The following MECOM variants were observed in gnomAD, a reference collection of about 807,000 sequenced individuals.
MECOM encodes the protein MDS1 and EVI1 complex locus.
MECOM carries 13 observed loss-of-function variants against 116.3 expected under a neutral mutation model. The ratio of observed to expected loss-of-function variants is 0.11; its 90% CI spans 0.07 to 0.18. The LOEUF (loss-of-function observed/expected upper bound fraction) is 0.18. Among genes scored for constraint, MECOM ranks in the 10% least tolerant of loss-of-function variants. MECOM has a pLI of 1.00. For missense variants in MECOM, 1,299 were observed against 1,509.0 expected (o/e 0.86, Z 2.31); for synonymous variants, 528 against 535.2 (o/e 0.99, Z 0.19).
chr3:169,136,534 C>T (rs993856046), intron 3 of MECOM, among the ~76,000 whole-genome samples: 1 of 151,874 alleles, frequency 6.6e-6, no homozygotes, highest in African/African-American at 2.4e-5. Flanking sequence ...GGCATAGACA[C>T]TCATAAGCAC....
intron 2 of MECOM, among the ~76,000 whole-genome samples, chr3:169,282,092 T>G (rs1712184083): frequency 6.6e-6 from 1 of 152,214 alleles, no homozygotes; most frequent in Non-Finnish European, 1.5e-5. Context: ...CATATTTTTT[T>G]CTTGGTCAAA....
At chr3:169,639,917 C>T (rs1024183040) in intron 1 of MECOM, among the ~76,000 whole-genome samples, 2 of 152,190 alleles carry the variant, frequency 1.3e-5, no homozygotes, top group Admixed American at 1.3e-4. Context: ...CTTGCTAATG[C>T]TATGCTATGT....
intron 1 of MECOM, among the ~76,000 whole-genome samples, chr3:169,417,369 A>G (rs2108488650): frequency 6.6e-6 from 1 of 152,160 alleles, no homozygotes; most frequent in Admixed American, 6.6e-5. Context: ...GCTCACCATC[A>G]CTGGCCATCA....
At chr3:169,323,444 C>T (rs952002411) in intron 2 of MECOM, among the ~76,000 whole-genome samples, 3 of 152,076 alleles carry the variant, frequency 2.0e-5, no homozygotes, top group East Asian at 1.9e-4. Context: ...TCCATGGAAG[C>T]ACGTAGGCAT....
At chr3:169,510,762 A>G (rs1272228734) in intron 1 of MECOM, among the ~76,000 whole-genome samples, 2 of 152,188 alleles carry the variant, frequency 1.3e-5, no homozygotes, top group African/African-American at 4.8e-5. Context: ...TGGTCACTGG[A>G]ATATCTAATC....
chr3:169,086,439 G>A, intron 16 of MECOM: 2 of 624,142 alleles, frequency 3.2e-6, no homozygotes, highest in Non-Finnish European at 2.8e-6. Context: ...TGATATTTGG[G>A]AAGATAAAAA....
At position 169,507,978 on chromosome 3, in the gene MECOM, A is replaced by G. The variant is rs570423391; in HGVS notation, c.38-126454T>C. 3.3e-5 allele frequency among the ~76,000 whole-genome samples: 5 copies of G among 152,194 alleles called. No homozygotes were observed. The East Asian group carries it at 9.7e-4, about 29-fold the overall frequency. The stretch of plus-strand genomic sequence containing the variant: ...CCCGGCCCCAACTTGCCATTTCTTA[A>G]TACGTAACCATGAGATACTTGTTTA... On this transcript the variant is annotated intron_variant, in intron 1 of 16. Transcript: ENST00000651503.
At chr3:169,193,724 T>C (rs994656472) in intron 2 of MECOM, among the ~76,000 whole-genome samples, 1 of 152,120 alleles carries the variant, frequency 6.6e-6, no homozygotes, top group Non-Finnish European at 1.5e-5. Context: ...TTTGAATTTT[T>C]GGAATGTTAA....
intron 1 of MECOM, among the ~76,000 whole-genome samples, chr3:169,546,577 A>C (rs903982722): frequency 6.6e-5 from 10 of 152,226 alleles, no homozygotes; most frequent in African/African-American, 2.4e-4. Flanking sequence ...TACGGAAAGA[A>C]TAATGGCATG....
intron 1 of MECOM, among the ~76,000 whole-genome samples, chr3:169,576,838 C>CACAGAGAGAGAGAGAG (rs368016499): frequency 1.6e-5 from 2 of 125,012 alleles, no homozygotes; most frequent in Non-Finnish European, 3.4e-5. Context: ...CACACACACA[C>CACAGAGAGAGAGAGAG]AGAGAGAGAG....
rs557500993 is a variant in MECOM at position 169,638,582 on chromosome 3, T to G, written c.37+24754A>C. Among the ~76,000 whole-genome samples the G allele has an allele frequency of 1.6e-4, 24 of 152,368 alleles. No homozygotes were observed. In the South Asian group the frequency reaches 1.7e-3, roughly 11 times the overall value. Reference sequence around the variant, plus strand: ...TCTGAAATTATTTTCAAGTAATACATGGACTTTTGATCTTATTGGTCAGTC... The same window carrying G: ...TCTGAAATTATTTTCAAGTAATACAGGGACTTTTGATCTTATTGGTCAGTC... On this transcript the variant is annotated intron_variant, in intron 1 of 16. Coordinates refer to ENST00000651503, the MANE Select transcript of MECOM (RefSeq NM_004991.4).
Position 169,196,438 on chromosome 3 carries a change from C to T in MECOM, c.376-52606G>A, listed in dbSNP as rs551795488. Reference sequence around the variant, plus strand: ...CATACACGTCTCACATTGTAAAATACTTCACAATTTTCATAAAGCTTTAAC... The same window carrying T: ...CATACACGTCTCACATTGTAAAATATTTCACAATTTTCATAAAGCTTTAAC... On this transcript the variant is annotated intron_variant, in intron 2 of 16. Transcript: ENST00000651503. Among the ~76,000 whole-genome samples the T allele has an allele frequency of 1.9e-3, 282 of 152,092 alleles. 1 individual carries two copies. Among genetic ancestry groups the T allele is most frequent in the African/African-American group, 6.3e-3 (263 of 41,514 alleles).
intron 1 of MECOM, among the ~76,000 whole-genome samples, chr3:169,412,048 G>T (rs1310243071): frequency 2.6e-5 from 4 of 151,976 alleles, no homozygotes; most frequent in Admixed American, 2.6e-4. Context: ...CACTTTGGGA[G>T]GCCAAGGCAG....
intron 2 of MECOM, among the ~76,000 whole-genome samples, chr3:169,368,365 CA>C (rs1297370656): frequency 6.6e-6 from 1 of 152,060 alleles, no homozygotes; most frequent in South Asian, 2.1e-4. Context: ...AGCATTTTAT[CA>C]AAATGATTGT....
intron 2 of MECOM, among the ~76,000 whole-genome samples, chr3:169,186,539 T>C (rs1422116957): frequency 6.6e-6 from 1 of 152,232 alleles, no homozygotes; most frequent in African/African-American, 2.4e-5. Flanking sequence ...TAGGATCTTT[T>C]CCATTTTAAA....
chr3:169,276,080 A>G (rs1385491166), intron 2 of MECOM, among the ~76,000 whole-genome samples: 1 of 152,222 alleles, frequency 6.6e-6, no homozygotes, highest in Non-Finnish European at 1.5e-5. Flanking sequence ...ATGGTAACAT[A>G]TAACACTGCA....
intron 1 of MECOM, among the ~76,000 whole-genome samples, chr3:169,479,460 GGT>G (rs1475029368): frequency 6.6e-6 from 1 of 151,988 alleles, no homozygotes; most frequent in Non-Finnish European, 1.5e-5. Context: ...CGGTCACAAG[GGT>G]GAGGCTGGAA....
chr3:169,284,425 A>T (rs1218059781), intron 2 of MECOM, among the ~76,000 whole-genome samples: 1 of 152,048 alleles, frequency 6.6e-6, no homozygotes, highest in Non-Finnish European at 1.5e-5. Context: ...AGGGTCTCCA[A>T]AGTTCCAAAC....
At chr3:169,298,059 G>A (rs180888898) in intron 2 of MECOM, among the ~76,000 whole-genome samples, 4 of 152,182 alleles carry the variant, frequency 2.6e-5, no homozygotes, top group East Asian at 3.9e-4. Context: ...ATCCAGCATC[G>A]GGAGAAATAA....
Sources: allele counts gnomAD v4.1 joint callset (sites outside exome capture counted in the v4.1 genomes callset), GRCh38; gene constraint gnomAD v4.1.1; transcripts MANE v1.5; gene names NCBI Gene and HGNC (gene_info 2026-07-23, HGNC 2026-07-21).